MCTP2: variants seen among roughly 807,000 people sequenced by gnomAD.
The protein encoded by MCTP2 is multiple C2 and transmembrane domain-containing protein 2.
A neutral mutation model predicts 111.6 loss-of-function variants in MCTP2; 132 were observed. The observed-to-expected ratio is 1.18, with a 90% CI of 1.03 to 1.37. The LOEUF (loss-of-function observed/expected upper bound fraction) is 1.37. Ranked by LOEUF, MCTP2 falls within the 40% of genes most tolerant of loss-of-function variation. The pLI is 0.00. For missense variants in MCTP2, 1,183 were observed against 1,067.9 expected, an observed-to-expected ratio of 1.11 and a Z score of -1.50; for synonymous variants, 395 against 387.7, an observed-to-expected ratio of 1.02 and a Z score of -0.22.
At chr15:94,295,915 CAA>C (rs35051806) in intron 1 of MCTP2, among the ~76,000 whole-genome samples, 5 of 143,994 alleles carry the variant, frequency 3.5e-5, no homozygotes, top group African/African-American at 1.1e-4. Flanking sequence ...GACCCTGACT[CAA>C]AAAAAAAAAA....
intron 19 of MCTP2, among the ~76,000 whole-genome samples, chr15:94,449,703 G>A (rs901830837): frequency 7.2e-5 from 11 of 152,170 alleles, no homozygotes; most frequent in Admixed American, 7.2e-4. Context: ...CTGCTAAAAG[G>A]TGATGTTTGA....
intron 11 of MCTP2, among the ~76,000 whole-genome samples, chr15:94,369,659 A>T (rs1451113318): frequency 6.6e-6 from 1 of 152,176 alleles, no homozygotes; most frequent in Non-Finnish European, 1.5e-5. Flanking sequence ...GATGGGTCCA[A>T]GTTTAGTCCT....
chr15:94,305,786 T>C (rs1426126817), intron 2 of MCTP2, among the ~76,000 whole-genome samples: 1 of 152,142 alleles, frequency 6.6e-6, no homozygotes, highest in Non-Finnish European at 1.5e-5. Context: ...GGTAGGGCCC[T>C]AAAGAAAGGA....
chr15:94,418,935 C>G lies in MCTP2; in HGVS notation c.2085+16916C>G, dbSNP rs149451675. Among the ~76,000 whole-genome samples the G allele has an allele frequency of 8.8e-3, 1,331 of 152,082 alleles. 17 individuals are homozygous for G. Among genetic ancestry groups the G allele is most frequent in the African/African-American group, 0.028 (1,170 of 41,478 alleles). On this transcript the variant is annotated intron_variant, in intron 17 of 22. Transcript: ENST00000357742. The stretch of plus-strand genomic sequence containing the variant: ...TGTCTAGAGCAACGGAGTCTAAAAG[C>G]CTCTAATTTATATTTAATATTAAGA...
chr15:94,290,652 A>G (rs1460041505), intron 1 of MCTP2, among the ~76,000 whole-genome samples: 1 of 152,250 alleles, frequency 6.6e-6, no homozygotes, highest in East Asian at 1.9e-4. Flanking sequence ...TGGGCTTTCC[A>G]TAAGAAACTC....
chr15:94,394,561 C>G (rs886159528), intron 14 of MCTP2, among the ~76,000 whole-genome samples: 1 of 151,886 alleles, frequency 6.6e-6, no homozygotes, highest in East Asian at 1.9e-4. Context: ...GTCAGGAGAT[C>G]GAGACCATCC....
intron 4 of MCTP2, among the ~76,000 whole-genome samples, chr15:94,336,281 T>C (rs528270767): frequency 7.9e-5 from 12 of 152,328 alleles, no homozygotes; most frequent in African/African-American, 2.9e-4. Context: ...TCCCATCTTC[T>C]TTATTGCAGC....
At chr15:94,368,040 T>C (rs2079292171) in intron 11 of MCTP2, among the ~76,000 whole-genome samples, 1 of 152,228 alleles carries the variant, frequency 6.6e-6, no homozygotes, top group Non-Finnish European at 1.5e-5. Context: ...TTTTAGCGTT[T>C]AGCAAGTCTT....
rs118063436 is a variant in MCTP2, at chr15:94,238,704, G to T, written c.-66+7040G>T. 2.0e-5 allele frequency among the ~76,000 whole-genome samples: 3 copies of T among 152,266 alleles called. No homozygotes were observed. The East Asian group carries it at 5.8e-4, about 29-fold the overall frequency. ...CTGTTCGTTAAGGGTGAGGGACAGG[G>T]TGCTATGAGAGCAGGTGGTGAGGGC... On this transcript the variant is annotated intron_variant, in intron 1 of 22. Transcript: ENST00000357742.
chr15:94,464,619 CTTT>C (rs1381731596), intron 20 of MCTP2, among the ~76,000 whole-genome samples: 1 of 151,778 alleles, frequency 6.6e-6, no homozygotes, highest in Admixed American at 6.6e-5. Flanking sequence ...TATTTTCAGT[CTTT>C]CTTCTTTCTT....
chr15:94,231,961 G>C (rs2070205007), intron 1 of MCTP2: 1 of 152,186 alleles, frequency 6.6e-6, no homozygotes, highest in Non-Finnish European at 1.5e-5. Flanking sequence ...TCCCCGGGGC[G>C]CTACGGAGGT....
At chr15:94,363,923 T>C (rs2152432395) in intron 10 of MCTP2, among the ~76,000 whole-genome samples, 1 of 152,280 alleles carries the variant, frequency 6.6e-6, no homozygotes, top group South Asian at 2.1e-4. Flanking sequence ...ATGCCCTGCG[T>C]GTGTGTTTTC....
At chr15:94,439,368 C>T (rs1190593121) in intron 17 of MCTP2, among the ~76,000 whole-genome samples, 1 of 150,944 alleles carries the variant, frequency 6.6e-6, no homozygotes, top group Non-Finnish European at 1.5e-5. Context: ...CACAAATTAC[C>T]TTATTTCGTC....
chr15:94,298,998 T>G (rs1327711311), intron 2 of MCTP2, among the ~76,000 whole-genome samples: 2 of 68,772 alleles, frequency 2.9e-5, no homozygotes, highest in African/African-American at 1.0e-4. Context: ...CCTCTCTCCC[T>G]CTCCCTCTCT....
rs773439233 is a variant in MCTP2, at chr15:94,356,234, T to C, written c.1103T>C (p.Val368Ala). The change falls in exon 9 of 23, where the codon GTC becomes GCC. Residue 368 changes from valine (V) to alanine (A), a missense_variant. Physicochemically the swap from Val to Ala is moderately conservative, Grantham distance 64 (BLOSUM62 0). Transcript: ENST00000357742. Reference protein sequence around the residue: ...ISITLLEGKNVSGGSMTEMFV... With the variant: ...ISITLLEGKNASGGSMTEMFV... ...ATAACTTTGTTGGAAGGGAAGAATG[T>C]CTCAGGAGGAAGCATGACAGAGATG... is the stretch of plus-strand genomic sequence containing the variant. 6 of 1,613,272 alleles carry C rather than the reference T, an allele frequency of 3.7e-6. No individual in the cohort carries two copies. The highest frequency in any genetic ancestry group is 3.3e-5 in the Admixed American group (2 of 59,954).
At chr15:94,444,508 C>T (rs2152514124) in intron 19 of MCTP2, among the ~76,000 whole-genome samples, 1 of 152,330 alleles carries the variant, frequency 6.6e-6, no homozygotes, top group East Asian at 1.9e-4. Flanking sequence ...GCTCCCCCAT[C>T]ATCAGAGGCT....
chr15:94,458,989 T>C (rs1039862407), intron 20 of MCTP2, among the ~76,000 whole-genome samples: 3 of 151,714 alleles, frequency 2.0e-5, no homozygotes, highest in Non-Finnish European at 2.9e-5. Flanking sequence ...AGCTAAACTC[T>C]CTAATGGAAC....
At chr15:94,320,930 C>G (rs751503184) in intron 4 of MCTP2, among the ~76,000 whole-genome samples, 17 of 152,180 alleles carry the variant, frequency 1.1e-4, no homozygotes, top group Non-Finnish European at 2.4e-4. Flanking sequence ...TTGTGACCTC[C>G]TTGTACAACT....
chr15:94,409,867 C>A (rs1459498235), intron 17 of MCTP2, among the ~76,000 whole-genome samples: 1 of 150,180 alleles, frequency 6.7e-6, no homozygotes, highest in Non-Finnish European at 1.5e-5. Flanking sequence ...CTCACCCTTC[C>A]TTTCCCCCTC....
Sources: gnomAD v4.1 joint callset for allele counts (sites outside exome capture counted in the v4.1 genomes callset) on GRCh38, gnomAD v4.1.1 for gene constraint, MANE v1.5 for transcripts, NCBI Gene and HGNC (gene_info 2026-07-23, HGNC 2026-07-21) for gene names.